KLF12: variants seen among roughly 807,000 people sequenced by gnomAD.
KLF12 encodes the protein Krueppel-like factor 12.
A neutral mutation model predicts 37.8 loss-of-function variants in KLF12; 9 were observed. The ratio of observed to expected loss-of-function variants is 0.24; its 90% confidence interval spans 0.14 to 0.42. KLF12 has a LOEUF of 0.42. Ranked by LOEUF, KLF12 falls within the 10% of genes least tolerant of loss-of-function variation. The probability of loss-of-function intolerance (pLI) is 1.00; values close to 1 mark genes in which losing one functional copy is unlikely to be tolerated. For missense variants in KLF12, 411 were observed against 516.0 expected (o/e 0.80, Z 1.97); for synonymous variants, 208 against 202.1 (o/e 1.03, Z -0.25).
intron 1 of KLF12, among the ~76,000 whole-genome samples, chr13:74,083,490 GGAGA>G (rs1322519717): frequency 8.1e-6 from 1 of 124,050 alleles, no homozygotes; most frequent in Non-Finnish European, 1.6e-5. Context: ...CTGGGCGATA[GGAGA>G]CACACACACA....
chr13:73,949,930 T>C (rs1890582313), intron 2 of KLF12, among the ~76,000 whole-genome samples: 1 of 149,704 alleles, frequency 6.7e-6, no homozygotes, highest in South Asian at 2.2e-4. Context: ...CATAGGCCTA[T>C]TGGGACTCTC....
At chr13:73,967,014 G>A (rs1196561442) in intron 2 of KLF12, among the ~76,000 whole-genome samples, 1 of 152,112 alleles carries the variant, frequency 6.6e-6, no homozygotes, top group African/African-American at 2.4e-5. Flanking sequence ...CAGGATATGC[G>A]TAAGGACAAT....
intron 1 of KLF12, among the ~76,000 whole-genome samples, chr13:74,076,209 A>G (rs1323193179): frequency 6.6e-6 from 1 of 152,244 alleles, no homozygotes; most frequent in Non-Finnish European, 1.5e-5. Flanking sequence ...AGGTAGATTT[A>G]CTTTCTTCAC....
Position 73,687,275 on chromosome 13 carries a change from T to G in KLF12, c.*8215A>C, listed in dbSNP as rs1033093440. 6.6e-6 allele frequency: 1 copy of G among 152,162 alleles called. No homozygotes were observed. Among genetic ancestry groups the G allele is most frequent in the Non-Finnish European group, 1.5e-5 (1 of 67,946 alleles). The allele number at this position is 152,162 out of a possible 1,614,324, so 9.4% of individuals were successfully genotyped here. A position where few individuals can be genotyped will look rare whatever the true frequency, so the allele number is the denominator to read the frequency against. ...GTACTTATCTCACATCCACAGAGAG[T>G]TGGTTTGCCATGTGATGCAATGTGT... is the stretch of plus-strand genomic sequence containing the variant. On this transcript the variant is annotated 3_prime_UTR_variant, in exon 8 of 8. Transcript: ENST00000377669.
At chr13:73,724,480 A>C (rs1264312991) in intron 6 of KLF12, among the ~76,000 whole-genome samples, 1 of 152,194 alleles carries the variant, frequency 6.6e-6, no homozygotes, top group East Asian at 1.9e-4. Flanking sequence ...GTAGTTTTCC[A>C]CTTGAGTCTG....
chr13:73,755,754 C>A (rs377145074), intron 6 of KLF12, among the ~76,000 whole-genome samples: 2 of 151,904 alleles, frequency 1.3e-5, no homozygotes, highest in Non-Finnish European at 2.9e-5. Flanking sequence ...CACCACCCCC[C>A]CAACCCTTTC....
At chr13:73,803,695 T>C (rs1882404912) in intron 5 of KLF12, among the ~76,000 whole-genome samples, 1 of 151,978 alleles carries the variant, frequency 6.6e-6, no homozygotes, top group South Asian at 2.1e-4. Context: ...GTCTGATGGA[T>C]ACAGTGCTAG....
chr13:73,884,119 T>C (rs1164942757), intron 3 of KLF12, among the ~76,000 whole-genome samples: 2 of 152,222 alleles, frequency 1.3e-5, no homozygotes, highest in African/African-American at 2.4e-5. Context: ...ATCAATATTA[T>C]GTCTCGAAAT....
Position 73,845,868 on chromosome 13 carries a change from A to G in KLF12, c.629T>C (p.Ile210Thr). Residue 210 changes from isoleucine to threonine, a missense_variant, in exon 4 of 8, where the codon ATT becomes ACT. Ile to Thr is a moderately conservative substitution (Grantham distance 89, BLOSUM62 -1). Around this residue, in one of 2 missense-constraint regions of KLF12, gnomAD observed 351 missense variants for 397.8 expected, o/e 0.88. Coordinates refer to ENST00000377669, the MANE Select transcript of KLF12 (RefSeq NM_007249.5). ...CCCATCCTCCAAAAGCGGCACGACA[A>G]TAGTGTTGTTCACATTTCCAGGTGA... 1 of 1,614,170 alleles carries G rather than the reference A, an allele frequency of 6.2e-7. No homozygotes were observed.
chr13:74,289,140 G>GTAGA, the KLF12 span: 3 of 152,014 alleles, frequency 2.0e-5, no homozygotes. Flanking sequence ...GGGGGAAAGG[G>GTAGA]TAGAACAAAG....
intron 3 of KLF12, among the ~76,000 whole-genome samples, chr13:73,900,173 A>C (rs553715908): frequency 7.2e-5 from 11 of 152,318 alleles, no homozygotes; most frequent in Admixed American, 2.6e-4. Flanking sequence ...GTTATTCAAT[A>C]ATCTGACTGG....
chr13:74,074,650 G>A (rs758360892), intron 1 of KLF12, among the ~76,000 whole-genome samples: 10 of 152,038 alleles, frequency 6.6e-5, no homozygotes, highest in Non-Finnish European at 1.2e-4. Flanking sequence ...TTTTATCTTA[G>A]GTTTGGGGGT....
chr13:74,018,416 A>G (rs545412770), intron 1 of KLF12, among the ~76,000 whole-genome samples: 1 of 152,338 alleles, frequency 6.6e-6, no homozygotes, highest in African/African-American at 2.4e-5. Flanking sequence ...GATATACTGT[A>G]TTCTTGAAAA....
At chr13:73,812,885 T>TG (rs1411135927) in intron 5 of KLF12, 1 of 307,772 alleles carries the variant, frequency 3.2e-6, no homozygotes, top group African/African-American at 2.1e-5. Flanking sequence ...TTTTTTTTTT[T>TG]GCAGAGTTCA....
intron 3 of KLF12, among the ~76,000 whole-genome samples, chr13:73,889,338 C>A (rs1460031298): frequency 6.6e-6 from 1 of 152,184 alleles, no homozygotes; most frequent in African/African-American, 2.4e-5. Flanking sequence ...TGACTTATAG[C>A]ACTAGGGTCT....
chr13:74,209,102 C>A, the KLF12 span, among the ~76,000 whole-genome samples: 1 of 151,754 alleles, frequency 6.6e-6, no homozygotes, highest in Non-Finnish European at 1.5e-5. Context: ...ACTTGAAGAA[C>A]TTACAATCTT....
chr13:73,771,893 A>G (rs1880294300), intron 5 of KLF12, among the ~76,000 whole-genome samples: 1 of 152,246 alleles, frequency 6.6e-6, no homozygotes, highest in Non-Finnish European at 1.5e-5. Flanking sequence ...AAATTGAACA[A>G]TGGTAGGAAA....
chr13:73,718,791 G>A (rs1315586272), intron 6 of KLF12, among the ~76,000 whole-genome samples: 1 of 152,154 alleles, frequency 6.6e-6, no homozygotes, highest in Non-Finnish European at 1.5e-5. Context: ...CTACTTGGGA[G>A]GCTGAGGTGA....
chr13:73,909,038 G>A (rs1342198648), intron 3 of KLF12, among the ~76,000 whole-genome samples: 2 of 152,146 alleles, frequency 1.3e-5, no homozygotes, highest in African/African-American at 4.8e-5. Flanking sequence ...TACAGAGATC[G>A]CCCTTCTCCA....
Sources: allele counts gnomAD v4.1 joint callset (sites outside exome capture counted in the v4.1 genomes callset), GRCh38; gene constraint gnomAD v4.1.1; regional missense constraint gnomAD v4.1.1; transcripts MANE v1.5; gene names NCBI Gene and HGNC (gene_info 2026-07-23, HGNC 2026-07-21).